Variants in LMO7 observed in about 807,000 individuals in gnomAD.
LMO7 encodes LIM domain 7.
LMO7 carries 120 observed loss-of-function variants against 206.5 expected under a neutral mutation model. That is an observed-to-expected ratio of 0.58 (90% CI 0.50 to 0.68). The LOEUF is 0.68. Ranked by LOEUF, LMO7 falls within the 30% of genes least tolerant of loss-of-function variation. The pLI, the probability that LMO7 is intolerant of heterozygous loss-of-function variation, is 0.00. For missense variants in LMO7, 1,959 were observed against 1,957.9 expected (o/e 1.00, Z -0.01); for synonymous variants, 706 against 681.5 (o/e 1.04, Z -0.56).
At chr13:75,647,123 G>A (rs1045728248) in intron 1 of LMO7, among the ~76,000 whole-genome samples, 1 of 151,876 alleles carries the variant, frequency 6.6e-6, no homozygotes, top group South Asian at 2.1e-4. Context: ...CGCTATTTCC[G>A]CTAGAATATA....
At chr13:75,694,065 G>T (rs994238709) in intron 1 of LMO7, among the ~76,000 whole-genome samples, 7 of 152,120 alleles carry the variant, frequency 4.6e-5, no homozygotes, top group Non-Finnish European at 7.4e-5. Context: ...TCATACAGTG[G>T]GAGAATACAG....
intron 1 of LMO7, among the ~76,000 whole-genome samples, chr13:75,688,110 C>T (rs2041168048): frequency 6.6e-6 from 1 of 152,168 alleles, no homozygotes; most frequent in Admixed American, 6.5e-5. Context: ...CCTCCGCAGC[C>T]ATGTGGAACT....
intron 3 of LMO7, among the ~76,000 whole-genome samples, chr13:75,745,578 A>C (rs1434242679): frequency 6.6e-6 from 1 of 152,150 alleles, no homozygotes; most frequent in Non-Finnish European, 1.5e-5. Context: ...GTGCCCAGAT[A>C]TATTTGTTCA....
intron 14 of LMO7, 135 bp from the exon 15 acceptor site, chr13:75,823,430 A>G: frequency 1.1e-5 from 8 of 704,518 alleles, no homozygotes; most frequent in Non-Finnish European, 1.8e-5. Context: ...AACTCAGCCC[A>G]AGCTTTTAGC....
intron 4 of LMO7, among the ~76,000 whole-genome samples, chr13:75,779,086 C>G (rs148598822): frequency 2.0e-4 from 31 of 152,254 alleles, no homozygotes; most frequent in Admixed American, 2.6e-4. Context: ...GCCTCAGCTT[C>G]TGATGCTGAA....
At chr13:75,623,563 A>G (rs1373021066) in intron 2 of LMO7, among the ~76,000 whole-genome samples, 2 of 151,932 alleles carry the variant, frequency 1.3e-5, no homozygotes, top group Admixed American at 6.6e-5. Flanking sequence ...GGGTTTCTCC[A>G]TATTGGCTAG....
At chr13:75,667,964 G>C (rs1015617881) in intron 1 of LMO7, among the ~76,000 whole-genome samples, 1 of 152,198 alleles carries the variant, frequency 6.6e-6, no homozygotes, top group African/African-American at 2.4e-5. Context: ...ATCCCATCAT[G>C]TTGGGAGGCA....
intron 15 of LMO7, among the ~76,000 whole-genome samples, chr13:75,832,796 A>G: frequency 6.6e-6 from 1 of 152,290 alleles, no homozygotes; most frequent in East Asian, 1.9e-4. Flanking sequence ...CGGCCAACTG[A>G]ATTAAAGTAT....
At chr13:75,786,720 C>T (rs1157993743) in intron 4 of LMO7, among the ~76,000 whole-genome samples, 1 of 152,156 alleles carries the variant, frequency 6.6e-6, no homozygotes, top group East Asian at 1.9e-4. Flanking sequence ...TCCATTCAGT[C>T]TTATGAGGTT....
chr13:75,739,277 G>A (rs867688133), intron 3 of LMO7, among the ~76,000 whole-genome samples: 38 of 152,220 alleles, frequency 2.5e-4, no homozygotes, highest in African/African-American at 8.7e-4. Context: ...TCCTCTGAAT[G>A]TCTGTGTCAG....
intron 4 of LMO7, 34 bp from the exon 5 acceptor site, chr13:75,795,367 G>A: frequency 6.9e-7 from 1 of 1,446,752 alleles, no homozygotes; most frequent in South Asian, 1.3e-5. Context: ...AAGGTTCACG[G>A]ATATTACCTA....
At chr13:75,706,250 C>T (rs2042639847) in intron 1 of LMO7, among the ~76,000 whole-genome samples, 1 of 152,152 alleles carries the variant, frequency 6.6e-6, no homozygotes, top group Non-Finnish European at 1.5e-5. Flanking sequence ...CCACCATTGA[C>T]ATCATGTTGT....
intron 27 of LMO7, among the ~76,000 whole-genome samples, chr13:75,852,296 A>G (rs1201144532): frequency 6.6e-6 from 1 of 152,226 alleles, no homozygotes; most frequent in African/African-American, 2.4e-5. Flanking sequence ...TTGAGTACAT[A>G]TGGATACAAC....
Position 75,798,194 on chromosome 13 carries a change from A to C in LMO7, c.462+1445A>C, listed in dbSNP as rs562743518. Among the ~76,000 whole-genome samples, 233 of 152,236 alleles carry C rather than the reference A, an allele frequency of 1.5e-3. 1 individual carries two copies. The highest frequency in any genetic ancestry group is 2.4e-3 in the Non-Finnish European group (160 of 68,028). ...GAGACCAGCCTGACCAACATGGAGA[A>C]ACCTCATCTCTACTAAAAATACAAA... On this transcript the variant is annotated intron_variant, in intron 6 of 30. Transcript: ENST00000377534.
chr13:75,858,978 G>A lies in LMO7; in HGVS notation c.*1035G>A, dbSNP rs2061148160. ...GTATGGTGAGAGTGATGAATTGTTG[G>A]ATCATTTGAATAAAATCTTTTACTA... On this transcript the variant is annotated 3_prime_UTR_variant, in exon 31 of 31. Transcript: ENST00000377534. The A allele has an allele frequency of 6.6e-6, 1 of 152,096 alleles. No homozygotes were observed. 9.4% of individuals were successfully genotyped at this position (152,096 alleles called of 1,614,324 possible).
At chr13:75,845,123 A>ACT (rs1234230575) in intron 25 of LMO7, among the ~76,000 whole-genome samples, 1 of 151,730 alleles carries the variant, frequency 6.6e-6, no homozygotes, top group Admixed American at 6.6e-5. Flanking sequence ...CCAGCATTTC[A>ACT]CTCTTCTCTT....
chr13:75,655,069 C>T (rs2037926198), intron 1 of LMO7, among the ~76,000 whole-genome samples: 1 of 152,132 alleles, frequency 6.6e-6, no homozygotes, highest in African/African-American at 2.4e-5. Context: ...CGGGGTTTCA[C>T]CATGTTGGCC....
At chr13:75,749,459 T>A (rs768181125) in intron 3 of LMO7, among the ~76,000 whole-genome samples, 2 of 152,234 alleles carry the variant, frequency 1.3e-5, no homozygotes, top group African/African-American at 4.8e-5. Flanking sequence ...ATGAATCATA[T>A]ACAAGACTGT....
chr13:75,646,816 C>T (rs2037066792), intron 1 of LMO7, among the ~76,000 whole-genome samples: 2 of 152,158 alleles, frequency 1.3e-5, no homozygotes, highest in South Asian at 4.1e-4. Flanking sequence ...AACTCTCGAC[C>T]TCAGGTGATA....
Sources: allele counts gnomAD v4.1 joint callset (sites outside exome capture counted in the v4.1 genomes callset), GRCh38; gene constraint gnomAD v4.1.1; transcripts MANE v1.5; gene names NCBI Gene and HGNC (gene_info 2026-07-23, HGNC 2026-07-21).